Variants in ACTN1 observed in about 807,000 individuals in gnomAD.
ACTN1 encodes the protein actinin alpha 1.
A neutral mutation model predicts 119.6 loss-of-function variants in ACTN1; 30 were observed. The ratio of observed to expected loss-of-function variants is 0.25; its 90% CI spans 0.19 to 0.34. The LOEUF is 0.34. Among genes scored for constraint, ACTN1 ranks in the 10% least tolerant of loss-of-function variants. ACTN1 has a pLI of 1.00. For missense variants in ACTN1, 764 were observed against 1,223.4 expected (o/e 0.62, Z 5.60); for synonymous variants, 429 against 472.6 (o/e 0.91, Z 1.20).
At chr14:68,891,771 T>C (rs2032506128) in intron 10 of ACTN1, among the ~76,000 whole-genome samples, 1 of 152,106 alleles carries the variant, frequency 6.6e-6, no homozygotes, top group African/African-American at 2.4e-5. Context: ...TTCATAGGGA[T>C]GATTTTTTGT....
At chr14:68,947,348 C>T (rs2035976603) in intron 1 of ACTN1, 1 of 152,258 alleles carries the variant, frequency 6.6e-6, no homozygotes, top group South Asian at 2.1e-4. Context: ...AATAACAACA[C>T]ACTTAGGGAG....
chr14:68,885,441 T>C lies in ACTN1; in HGVS notation c.1369A>G (p.Ile457Val), dbSNP rs1415207542. The C allele has an allele frequency of 1.2e-6, 2 of 1,612,508 alleles. No homozygotes were observed. The highest frequency in any genetic ancestry group is 2.2e-5 in the South Asian group (2 of 91,024). ...GCCACCTACTTGAGCTCCTGTGCGA[T>C]GGCGGCAATCTGCTCCACACGGTCC... is the stretch of plus-strand genomic sequence containing the variant. ...HQDRVEQIAA[I>V]AQELNELDYY... The change falls in exon 12 of 22, where the codon ATC becomes GTC. Residue 457 changes from isoleucine (I) to valine (V), a missense_variant. Ile to Val is a conservative substitution (Grantham distance 29, BLOSUM62 3). Coordinates refer to ENST00000394419, the MANE Select transcript of ACTN1 (RefSeq NM_001130004.2). The surrounding 1 kb of genome is among the most constrained non-coding windows in gnomAD (Gnocchi z 5.6).
rs1014390677 is a variant in ACTN1, at chr14:68,978,875, G to C, written c.105+77C>G. 3.4e-4 allele frequency: 339 copies of C among 984,830 alleles called. 1 individual carries two copies. Among genetic ancestry groups the C allele is most frequent in the Non-Finnish European group, 4.7e-4 (324 of 695,906 alleles). The allele number at this position is 984,830 out of a possible 1,614,324, so 61.0% of individuals were successfully genotyped here. The stretch of plus-strand genomic sequence containing the variant: ...CGGAACCGGTTCAGAGCCCGGAGCC[G>C]AGAGCCCGGCAGGCAGAGCGGGTCG... On this transcript the variant is annotated intron_variant, in intron 1 of 21. Transcript: ENST00000394419.
At chr14:68,897,275 C>T (rs993740522) in intron 8 of ACTN1, among the ~76,000 whole-genome samples, 12 of 152,208 alleles carry the variant, frequency 7.9e-5, no homozygotes, top group African/African-American at 2.9e-4. Flanking sequence ...TGAGCCTCTG[C>T]GCCCAACCTG....
rs2140240199 is a variant in ACTN1 at position 68,902,461 on chromosome 14, A to T, written c.762+16T>A. The T allele has an allele frequency of 6.2e-7, 1 of 1,610,934 alleles. No homozygotes were observed. Among genetic ancestry groups the T allele is most frequent in the Non-Finnish European group, 8.5e-7 (1 of 1,177,342 alleles). ...GAGGTGTGCTGGGCATGGAAGGAGC[A>T]GGGGGCCCCGGGTACCTTCTGGGCT... is the stretch of plus-strand genomic sequence containing the variant. On this transcript the variant is annotated intron_variant, in intron 8 of 21. Transcript: ENST00000394419.
intron 11 of ACTN1, chr14:68,888,244 T>C (rs1350391369): frequency 5.4e-6 from 2 of 370,304 alleles, no homozygotes; most frequent in South Asian, 2.3e-5. Context: ...TGTAGTAAAA[T>C]TGGTAGAACT....
Position 68,893,764 on chromosome 14 carries a change from G to A in ACTN1, c.763-17C>T. 1.2e-6 allele frequency: 2 copies of A among 1,612,748 alleles called. No individual in the cohort carries two copies. Among genetic ancestry groups the A allele is most frequent in the South Asian group, 2.2e-5 (2 of 91,052 alleles). On this transcript the variant is annotated splice_polypyrimidine_tract_variant and intron_variant, in intron 8 of 21. Coordinates refer to ENST00000394419, the MANE Select transcript of ACTN1 (RefSeq NM_001130004.2). ...TGTCTCCGCCTGGCAACAAGACAGAGAGAGTCACGACCAGCCAGCCCCAGC... is the reference window on the plus strand; with the variant it reads ...TGTCTCCGCCTGGCAACAAGACAGAAAGAGTCACGACCAGCCAGCCCCAGC...
chr14:68,940,042 T>G (rs1594849704), intron 1 of ACTN1, among the ~76,000 whole-genome samples: 1 of 152,124 alleles, frequency 6.6e-6, no homozygotes, highest in Admixed American at 6.5e-5. Context: ...CGAAGCAGAG[T>G]GGCACCCGCT....
At chr14:68,967,806 C>T (rs2036752873) in intron 1 of ACTN1, among the ~76,000 whole-genome samples, 2 of 152,202 alleles carry the variant, frequency 1.3e-5, no homozygotes, top group South Asian at 2.1e-4. Flanking sequence ...TGGGGCTCAT[C>T]GTGGCTCCCC....
At chr14:68,910,096 G>A (rs1234769187) in intron 4 of ACTN1, 54 bp from the exon 5 acceptor site, 2 of 1,483,392 alleles carry the variant, frequency 1.3e-6, no homozygotes, top group African/African-American at 1.4e-5. Flanking sequence ...GTGGAGGGAG[G>A]GATGCCGGCT....
chr14:68,909,901 C>T lies in ACTN1; in HGVS notation c.515+54G>A, dbSNP rs1427013312. 5.2e-6 allele frequency: 8 copies of T among 1,524,774 alleles called. No individual in the cohort carries two copies. Among genetic ancestry groups the T allele is most frequent in the Non-Finnish European group, 7.3e-6 (8 of 1,102,320 alleles). 94.5% of individuals were successfully genotyped at this position (1,524,774 alleles called of 1,614,324 possible). On this transcript the variant is annotated intron_variant, in intron 5 of 21. Transcript: ENST00000394419. This position sits in a 1 kb window ranked among gnomAD's most constrained non-coding sequence, Gnocchi z 4.1. ...TGACCCAGCCAAGGGGGTCTGGGAG[C>T]TCCCGGGGGAGGCAGCCTGGTTCTG... is the stretch of plus-strand genomic sequence containing the variant.
chr14:68,900,686 G>T (rs1474167103), intron 8 of ACTN1, among the ~76,000 whole-genome samples: 1 of 152,054 alleles, frequency 6.6e-6, no homozygotes, highest in Admixed American at 6.6e-5. Flanking sequence ...TCAGAGGCTG[G>T]GGTTCTCTGG....
Position 68,885,648 on chromosome 14 carries a change from AG to A in ACTN1, c.1235-74del, listed in dbSNP as rs1166827559. On this transcript the variant is annotated intron_variant, in intron 11 of 21. Transcript: ENST00000394419. This position sits in a 1 kb window ranked among gnomAD's most constrained non-coding sequence, Gnocchi z 5.6. Reference sequence around the variant, plus strand: ...CCTTGGTCCCAACCGCCCACCCCTCAGGGCCCCAGGAGCTCCACTTCTGGGG... The same window carrying A: ...CCTTGGTCCCAACCGCCCACCCCTCAGGCCCCAGGAGCTCCACTTCTGGGG... 4.6e-6 allele frequency: 7 copies of A among 1,529,730 alleles called. No individual in the cohort carries two copies. In the African/African-American group the frequency reaches 6.8e-5, roughly 15 times the overall value. The allele number at this position is 1,529,730 out of a possible 1,614,324, so 94.8% of individuals were successfully genotyped here. A position where few individuals can be genotyped will look rare whatever the true frequency, so the allele number is the denominator to read the frequency against.
chr14:68,973,302 C>A (rs1005214799), intron 1 of ACTN1, among the ~76,000 whole-genome samples: 16 of 152,160 alleles, frequency 1.1e-4, no homozygotes, highest in Non-Finnish European at 1.5e-5. Flanking sequence ...TTCCCATAAT[C>A]CCCACATGTC....
At chr14:68,969,726 C>T (rs1382012104) in intron 1 of ACTN1, among the ~76,000 whole-genome samples, 1 of 152,170 alleles carries the variant, frequency 6.6e-6, no homozygotes, top group Admixed American at 6.5e-5. Flanking sequence ...TTGGGGGTGT[C>T]GAGACTTGAC....
chr14:68,913,329 G>A (rs2034110395), intron 3 of ACTN1, among the ~76,000 whole-genome samples: 1 of 152,188 alleles, frequency 6.6e-6, no homozygotes, highest in African/African-American at 2.4e-5. Context: ...CCTGCTTCCA[G>A]ACCAGGAGAT....
At chr14:68,922,028 A>G (rs1228351294) in intron 2 of ACTN1, among the ~76,000 whole-genome samples, 1 of 152,200 alleles carries the variant, frequency 6.6e-6, no homozygotes, top group Non-Finnish European at 1.5e-5. Flanking sequence ...ATGATCTGAG[A>G]ATTTTCTAAG....
Position 68,882,890 on chromosome 14 carries a change from T to G in ACTN1, c.1801A>C (p.Asn601His). The G allele has an allele frequency of 1.2e-6, 2 of 1,614,186 alleles. No homozygotes were observed. Among genetic ancestry groups the G allele is most frequent in the South Asian group, 2.2e-5 (2 of 91,084 alleles). ...PYTTITPQEI[N>H]GKWDHVRQLV... ...CAACTCACGTGGTCCCATTTGCCAT[T>G]GATCTCCTGAGGCGTGATGGTTGTG... is the stretch of plus-strand genomic sequence containing the variant. Residue 601 changes from asparagine (N) to histidine (H), a missense_variant, in exon 15 of 22, where the codon AAT becomes CAT. Physicochemically the swap from Asn to His is moderately conservative, Grantham distance 68. Around this residue, in one of 4 missense-constraint regions of ACTN1, gnomAD observed 544 missense variants for 912.0 expected, o/e 0.60. Transcript: ENST00000394419. This position sits in a 1 kb window ranked among gnomAD's most constrained non-coding sequence, Gnocchi z 4.5.
At chr14:68,921,228 G>T (rs921551120) in intron 2 of ACTN1, 103 bp from the exon 3 acceptor site, 1 of 1,457,324 alleles carries the variant, frequency 6.9e-7, no homozygotes, top group African/African-American at 1.4e-5. Flanking sequence ...TAGCTAGGCA[G>T]AAGCATGTGC....
Sources: gnomAD v4.1 joint callset for allele counts (sites outside exome capture counted in the v4.1 genomes callset) on GRCh38, gnomAD v4.1.1 for gene constraint, gnomAD v4.1.1 regional missense constraint, Gnocchi (gnomAD v3.1) non-coding constraint, MANE v1.5 for transcripts, NCBI Gene and HGNC (gene_info 2026-07-23, HGNC 2026-07-21) for gene names.